The following SIPA1L2 variants were observed in gnomAD, a reference collection of about 807,000 sequenced individuals.
SIPA1L2 encodes the protein signal-induced proliferation-associated 1-like protein 2.
Under a neutral mutation model 163.9 loss-of-function variants are expected in SIPA1L2, and 56 were observed. The ratio of observed to expected loss-of-function variants is 0.34; its 90% CI spans 0.28 to 0.43. The LOEUF (loss-of-function observed/expected upper bound fraction) is 0.43. SIPA1L2 is among the 20% of genes least tolerant of loss of function. SIPA1L2 has a pLI of 1.00. For missense variants in SIPA1L2, 1,974 were observed against 2,193.5 expected (o/e 0.90, Z 2.00); for synonymous variants, 877 against 865.7 (o/e 1.01, Z -0.23).
intron 2 of SIPA1L2, among the ~76,000 whole-genome samples, chr1:232,525,974 T>C (rs1348749469): frequency 6.6e-6 from 1 of 152,142 alleles, no homozygotes; most frequent in Admixed American, 6.5e-5. Flanking sequence ...TGTGCCCAAT[T>C]AAAAACAGCT....
chr1:232,449,601 G>A (rs1165382935), intron 10 of SIPA1L2, among the ~76,000 whole-genome samples: 1 of 135,248 alleles, frequency 7.4e-6, no homozygotes. Flanking sequence ...TCACAAAAGA[G>A]AAGAGGGAAA....
At chr1:232,554,950 T>C (rs1274466046) in intron 2 of SIPA1L2, among the ~76,000 whole-genome samples, 1 of 152,190 alleles carries the variant, frequency 6.6e-6, no homozygotes, top group East Asian at 1.9e-4. Context: ...CGTGAAGTAT[T>C]TAGCTTGCTT....
intron 2 of SIPA1L2, among the ~76,000 whole-genome samples, chr1:232,526,288 A>G (rs1227403538): frequency 6.6e-6 from 1 of 152,082 alleles, no homozygotes; most frequent in East Asian, 1.9e-4. Context: ...ACTCCTCAAA[A>G]AGCAGGCCAG....
chr1:232,418,355 C>T (rs1661380045), intron 18 of SIPA1L2, among the ~76,000 whole-genome samples: 2 of 152,218 alleles, frequency 1.3e-5, no homozygotes, highest in South Asian at 4.1e-4. Context: ...CAGCTGTGTG[C>T]ATCTTTCCCC....
chr1:232,478,195 T>C (rs2102963864), intron 7 of SIPA1L2, among the ~76,000 whole-genome samples: 1 of 152,338 alleles, frequency 6.6e-6, no homozygotes, highest in African/African-American at 2.4e-5. Flanking sequence ...TGATTTTAAG[T>C]CTATGCTTAA....
intron 1 of SIPA1L2, among the ~76,000 whole-genome samples, chr1:232,608,059 A>AAAAAAAAAAAAAAC (rs1662047856): frequency 2.0e-5 from 3 of 150,668 alleles, no homozygotes; most frequent in Non-Finnish European, 3.0e-5. Context: ...AAAAAAAAAA[A>AAAAAAAAAAAAAAC]AAAAAAAAAA....
At chr1:232,415,029 T>C (rs1474368593) in intron 19 of SIPA1L2, among the ~76,000 whole-genome samples, 1 of 152,198 alleles carries the variant, frequency 6.6e-6, no homozygotes, top group Non-Finnish European at 1.5e-5. Context: ...GACACTTGCA[T>C]GGGTCAAGCC....
chr1:232,528,102 A>ATATATATATATATATATATATATC lies in SIPA1L2; in HGVS notation c.-269-12495_-269-12494insGATATATATATATATATATATATA, dbSNP rs34779799. On this transcript the variant is annotated intron_variant, in intron 2 of 22. Transcript: ENST00000674635. ...TTTATATATATATATATATATATAT[A>ATATATATATATATATATATATATC]ATCAACTTTCTAAAAACCACAGGTA... Among the ~76,000 whole-genome samples the ATATATATATATATATATATATATC allele has an allele frequency of 8.7e-3, 1,036 of 118,412 alleles. 218 individuals carry two copies. The highest frequency in any genetic ancestry group is 0.013 in the African/African-American group (364 of 28,964). 77.7% of individuals were successfully genotyped at this position (118,412 alleles called of 152,430 possible).
At chr1:232,605,554 C>T (rs906257153) in intron 1 of SIPA1L2, among the ~76,000 whole-genome samples, 4 of 152,102 alleles carry the variant, frequency 2.6e-5, no homozygotes, top group African/African-American at 9.7e-5. Flanking sequence ...ATTAGCCGGG[C>T]ATGGTGGCGG....
chr1:232,441,213 A>C lies in SIPA1L2; in HGVS notation c.3642+78T>G. ...TAATGTGCTCTTGAGCATCCCCAGG[A>C]ATCAGGCTGTACCACTGTGTGCTGA... On this transcript the variant is annotated intron_variant, in intron 14 of 22. Transcript: ENST00000674635. 7 of 1,091,196 alleles carry C rather than the reference A, an allele frequency of 6.4e-6. No individual in the cohort carries two copies. The South Asian group carries it at 1.1e-4, about 17-fold the overall frequency. 67.6% of individuals were successfully genotyped at this position (1,091,196 alleles called of 1,614,324 possible). A position where few individuals can be genotyped will look rare whatever the true frequency, so the allele number is the denominator to read the frequency against.
intron 1 of SIPA1L2, among the ~76,000 whole-genome samples, chr1:232,602,850 G>A (rs1323557803): frequency 6.6e-6 from 1 of 152,186 alleles, no homozygotes; most frequent in East Asian, 1.9e-4. Context: ...GCACCTGAAA[G>A]GTAGCTAGTG....
chr1:232,566,566 T>C (rs754741543), intron 2 of SIPA1L2, among the ~76,000 whole-genome samples: 7 of 152,208 alleles, frequency 4.6e-5, no homozygotes, highest in Admixed American at 1.3e-4. Flanking sequence ...GCTTTCCAAA[T>C]AACACTGTAG....
intron 1 of SIPA1L2, among the ~76,000 whole-genome samples, chr1:232,594,293 C>T (rs1222168731): frequency 2.0e-5 from 3 of 152,142 alleles, no homozygotes; most frequent in East Asian, 1.9e-4. Context: ...AGAGCTGCTA[C>T]GGGCAGAGCT....
intron 14 of SIPA1L2, 100 bp downstream of exon 14, chr1:232,441,191 T>C (rs1186069543): frequency 2.4e-6 from 2 of 827,600 alleles, no homozygotes; most frequent in Non-Finnish European, 3.7e-6. Flanking sequence ...TGTGAGGTAA[T>C]GTGCTCTTGA....
intron 1 of SIPA1L2, among the ~76,000 whole-genome samples, chr1:232,619,402 C>T (rs1451327191): frequency 5.3e-5 from 8 of 152,252 alleles, no homozygotes; most frequent in Non-Finnish European, 7.3e-5. Context: ...TAGCCATCAA[C>T]TCTGCCCAAG....
At position 232,555,156 on chromosome 1, in the gene SIPA1L2, C is replaced by T. The variant is rs4460585; in HGVS notation, c.-270+19018G>A. ...CTGAGAAAACAAGTGACTCTTCTTTCGAACAAATGAAACCACCCAAACATT... is the reference window on the plus strand; with the variant it reads ...CTGAGAAAACAAGTGACTCTTCTTTTGAACAAATGAAACCACCCAAACATT... On this transcript the variant is annotated intron_variant, in intron 2 of 22. Coordinates refer to ENST00000674635, the MANE Select transcript of SIPA1L2 (RefSeq NM_020808.5). 1.2e-3 allele frequency among the ~76,000 whole-genome samples: 181 copies of T among 152,328 alleles called. 1 individual carries two copies. The highest frequency in any genetic ancestry group is 4.0e-3 in the African/African-American group (165 of 41,576).
rs1251054054 is a variant in SIPA1L2 at position 232,481,538 on chromosome 1, T to A, written c.1982-1808A>T. Among the ~76,000 whole-genome samples, 7 of 152,186 alleles carry A rather than the reference T, an allele frequency of 4.6e-5. No homozygotes were observed. In the East Asian group the frequency reaches 1.3e-3, roughly 29 times the overall value. On this transcript the variant is annotated intron_variant, in intron 6 of 22. Transcript: ENST00000674635. The stretch of plus-strand genomic sequence containing the variant: ...CTCAAGCCATACTAAAAGAGGAATT[T>A]CTAAAATTAAATATTCTGAAAGTTT...
intron 14 of SIPA1L2, among the ~76,000 whole-genome samples, chr1:232,440,248 C>T (rs117453295): frequency 2.6e-5 from 4 of 152,284 alleles, no homozygotes; most frequent in East Asian, 1.9e-4. Context: ...CATACAGACA[C>T]GGCCTCTCTT....
intron 2 of SIPA1L2, among the ~76,000 whole-genome samples, chr1:232,522,606 C>G (rs922858979): frequency 2.0e-5 from 3 of 151,806 alleles, no homozygotes; most frequent in Non-Finnish European, 4.4e-5. Flanking sequence ...TAGACATGTC[C>G]TGGCATATGG....
Sources: allele counts gnomAD v4.1 joint callset (sites outside exome capture counted in the v4.1 genomes callset), GRCh38; gene constraint gnomAD v4.1.1; transcripts MANE v1.5; gene names NCBI Gene and HGNC (gene_info 2026-07-23, HGNC 2026-07-21).